The following PITPNM3 variants were observed in gnomAD, a reference collection of about 807,000 sequenced individuals.
PITPNM3 encodes membrane-associated phosphatidylinositol transfer protein 3.
PITPNM3 carries 26 observed loss-of-function variants against 102.0 expected under a neutral mutation model. The ratio of observed to expected loss-of-function variants is 0.25; its 90% CI spans 0.19 to 0.35. PITPNM3 has a LOEUF of 0.35. Among genes scored for constraint, PITPNM3 ranks in the 10% least tolerant of loss-of-function variants. PITPNM3 has a pLI of 1.00. For missense variants in PITPNM3, 1,083 were observed against 1,346.1 expected, an observed-to-expected ratio of 0.80 and a Z score of 3.06; for synonymous variants, 578 against 558.6, an observed-to-expected ratio of 1.03 and a Z score of -0.49.
chr17:6,494,420 C>T (rs1027259694), intron 4 of PITPNM3, among the ~76,000 whole-genome samples: 3 of 152,200 alleles, frequency 2.0e-5, no homozygotes, highest in South Asian at 2.1e-4. Flanking sequence ...CTGTCAAGTC[C>T]ACCCTGGCCC....
intron 4 of PITPNM3, among the ~76,000 whole-genome samples, chr17:6,491,831 A>AT (rs1163314578): frequency 9.3e-6 from 1 of 107,092 alleles, no homozygotes; most frequent in Non-Finnish European, 2.0e-5. Context: ...ATATATATAT[A>AT]TATATAATAA....
At chr17:6,524,263 A>G (rs1206684178) in intron 3 of PITPNM3, among the ~76,000 whole-genome samples, 1 of 152,182 alleles carries the variant, frequency 6.6e-6, no homozygotes, top group African/African-American at 2.4e-5. Context: ...CCAGAGCACG[A>G]CTGCGAATGA....
At chr17:6,551,854 G>A (rs1168770596) in intron 1 of PITPNM3, among the ~76,000 whole-genome samples, 2 of 152,086 alleles carry the variant, frequency 1.3e-5, no homozygotes, top group Non-Finnish European at 2.9e-5. Flanking sequence ...CCCAGGAGAA[G>A]TCTCGCTTTG....
chr17:6,510,051 T>C (rs1192134765), intron 3 of PITPNM3, among the ~76,000 whole-genome samples: 1 of 150,160 alleles, frequency 6.7e-6, no homozygotes, highest in Non-Finnish European at 1.5e-5. Flanking sequence ...CAAATCTCCA[T>C]TCTTCCCATA....
intron 4 of PITPNM3, among the ~76,000 whole-genome samples, chr17:6,484,847 C>T (rs1478929546): frequency 1.3e-5 from 2 of 152,164 alleles, no homozygotes; most frequent in Non-Finnish European, 2.9e-5. Context: ...AGGTGGGCAC[C>T]GTGCAGTCCG....
At chr17:6,473,079 C>G (rs1905139446) in intron 10 of PITPNM3, 1 of 556,356 alleles carries the variant, frequency 1.8e-6, no homozygotes, top group Non-Finnish European at 3.2e-6. Context: ...GCTTTCCTTT[C>G]TCTGAGCCTT....
At chr17:6,493,002 C>T (rs1906588106) in intron 4 of PITPNM3, among the ~76,000 whole-genome samples, 1 of 151,960 alleles carries the variant, frequency 6.6e-6, no homozygotes, top group African/African-American at 2.4e-5. Flanking sequence ...AACACCAAGA[C>T]CAATCAGACA....
At chr17:6,488,223 T>C (rs774595206) in intron 4 of PITPNM3, among the ~76,000 whole-genome samples, 1 of 152,172 alleles carries the variant, frequency 6.6e-6, no homozygotes, top group Admixed American at 6.5e-5. Context: ...ATTGGGGCCA[T>C]TGGCTCTGAC....
intron 3 of PITPNM3, among the ~76,000 whole-genome samples, chr17:6,518,896 T>C (rs1207245976): frequency 6.6e-6 from 1 of 152,224 alleles, no homozygotes; most frequent in Non-Finnish European, 1.5e-5. Flanking sequence ...GGTAAAACAT[T>C]GGAACGTTTC....
chr17:6,484,206 C>T lies in PITPNM3; in HGVS notation c.351+10G>A. Reference sequence around the variant, plus strand: ...AGTTGAGCCCAGACACCCTCCGAAGCCCAGCCTACCTCGCTGTCTTCGTGG... The same window carrying T: ...AGTTGAGCCCAGACACCCTCCGAAGTCCAGCCTACCTCGCTGTCTTCGTGG... On this transcript the variant is annotated intron_variant, in intron 5 of 19. Coordinates refer to ENST00000262483, the MANE Select transcript of PITPNM3 (RefSeq NM_031220.4). The T allele has an allele frequency of 1.2e-6, 2 of 1,600,728 alleles. No individual in the cohort carries two copies. Among genetic ancestry groups the T allele is most frequent in the Non-Finnish European group, 1.7e-6 (2 of 1,168,058 alleles).
At chr17:6,527,164 T>C (rs1908880329) in intron 2 of PITPNM3, among the ~76,000 whole-genome samples, 1 of 152,234 alleles carries the variant, frequency 6.6e-6, no homozygotes, top group African/African-American at 2.4e-5. Context: ...GGACAAATAA[T>C]ATAGCAAATT....
In PITPNM3 at chr17:6,459,543, C is replaced by T. The variant is rs1270078538; in HGVS notation, c.2491-1821G>A. ...GAACTACCCTAAGCCATATCAGGTC[C>T]CGTGGCTGTATCAGCCTTGACATGT... On this transcript the variant is annotated intron_variant, in intron 18 of 19. Transcript: ENST00000262483. This position sits in a 1 kb window ranked among gnomAD's most constrained non-coding sequence, Gnocchi z 5.0. 1.3e-5 allele frequency among the ~76,000 whole-genome samples: 2 copies of T among 152,138 alleles called. No individual in the cohort carries two copies. The highest frequency in any genetic ancestry group is 2.1e-4 in the South Asian group (1 of 4,828).
intron 1 of PITPNM3, among the ~76,000 whole-genome samples, chr17:6,548,966 G>A (rs963800603): frequency 5.3e-5 from 8 of 152,072 alleles, no homozygotes; most frequent in Non-Finnish European, 1.2e-4. Flanking sequence ...GGTCATCTGG[G>A]AAGAGGAACA....
chr17:6,455,197 C>T lies in PITPNM3; in HGVS notation c.*141G>A. On this transcript the variant is annotated 3_prime_UTR_variant, in exon 20 of 20. Coordinates refer to ENST00000262483, the MANE Select transcript of PITPNM3 (RefSeq NM_031220.4). ...CCCGGGCTCGGGCAGGATCCCTCCC[C>T]GCTCTGGTCGGACACTGCTGGACAG... The T allele has an allele frequency of 3.4e-6, 4 of 1,162,160 alleles. No individual in the cohort carries two copies. The highest frequency in any genetic ancestry group is 4.7e-6 in the Non-Finnish European group (4 of 857,294). The allele number at this position is 1,162,160 out of a possible 1,614,324, so 72.0% of individuals were successfully genotyped here.
At chr17:6,519,106 G>A (rs1217749349) in intron 3 of PITPNM3, among the ~76,000 whole-genome samples, 1 of 151,812 alleles carries the variant, frequency 6.6e-6, no homozygotes, top group Non-Finnish European at 1.5e-5. Flanking sequence ...GGGAGGCCAT[G>A]GCGGGCGGAT....
At chr17:6,515,000 G>C (rs769422172) in intron 3 of PITPNM3, among the ~76,000 whole-genome samples, 3 of 152,120 alleles carry the variant, frequency 2.0e-5, no homozygotes, top group Non-Finnish European at 4.4e-5. Flanking sequence ...CACACAAAAG[G>C]CTATATATTG....
At chr17:6,482,032 CTCTGTCTG>C (rs1567670331) in intron 6 of PITPNM3, among the ~76,000 whole-genome samples, 3 of 75,504 alleles carry the variant, frequency 4.0e-5, no homozygotes, top group South Asian at 4.9e-4. Flanking sequence ...CTCTCTCTCT[CTCTGTCTG>C]TCTCTCTCTC....
At chr17:6,524,156 T>C (rs1436756431) in intron 3 of PITPNM3, among the ~76,000 whole-genome samples, 1 of 152,226 alleles carries the variant, frequency 6.6e-6, no homozygotes, top group Non-Finnish European at 1.5e-5. Flanking sequence ...CAGGGCAAGA[T>C]GGTCACTACC....
At chr17:6,515,543 A>C (rs1357197395) in intron 3 of PITPNM3, among the ~76,000 whole-genome samples, 1 of 152,148 alleles carries the variant, frequency 6.6e-6, no homozygotes, top group African/African-American at 2.4e-5. Flanking sequence ...TATGGGAATT[A>C]TATCTCAACT....
Sources: gnomAD v4.1 joint callset for allele counts (sites outside exome capture counted in the v4.1 genomes callset) on GRCh38, gnomAD v4.1.1 for gene constraint, Gnocchi (gnomAD v3.1) non-coding constraint, MANE v1.5 for transcripts, NCBI Gene and HGNC (gene_info 2026-07-23, HGNC 2026-07-21) for gene names.